The following ZNF385D variants were observed in gnomAD, a reference collection of about 807,000 sequenced individuals.
ZNF385D encodes the protein zinc finger protein 385D, also known as zinc finger protein 659.
In ZNF385D, 15 loss-of-function variants were observed where a neutral mutation model predicts 35.8. The ratio of observed to expected loss-of-function variants is 0.42; its 90% CI spans 0.28 to 0.64. The LOEUF (loss-of-function observed/expected upper bound fraction) is 0.64, where lower values mean the gene tolerates loss of function less well. Ranked by LOEUF, ZNF385D falls within the 30% of genes least tolerant of loss-of-function variation. ZNF385D has a pLI of 0.23. For missense variants in ZNF385D, 474 were observed against 494.6 expected (o/e 0.96, Z 0.39); for synonymous variants, 212 against 186.8 (o/e 1.13, Z -1.10).
intron 3 of ZNF385D, among the ~76,000 whole-genome samples, chr3:22,025,840 G>A (rs569754341): frequency 2.0e-5 from 3 of 152,258 alleles, no homozygotes; most frequent in Non-Finnish European, 2.9e-5. Context: ...CTGCATCTTC[G>A]AAGAGCCCTG....
At chr3:21,949,554 C>CTTTTTTTTTTTTTTT (rs372298558) in intron 3 of ZNF385D, among the ~76,000 whole-genome samples, 3 of 112,894 alleles carry the variant, frequency 2.7e-5, no homozygotes, top group African/African-American at 6.7e-5. Flanking sequence ...TTCTTTCTTT[C>CTTTTTTTTTTTTTTT]TTTTTTTTTT....
intron 2 of ZNF385D, among the ~76,000 whole-genome samples, chr3:21,574,388 T>C (rs2063431704): frequency 6.6e-6 from 1 of 152,028 alleles, no homozygotes; most frequent in Non-Finnish European, 1.5e-5. Flanking sequence ...AGAAAATAAT[T>C]GGGGTAAGAC....
intron 2 of ZNF385D, among the ~76,000 whole-genome samples, chr3:21,593,670 G>C (rs1453532075): frequency 1.3e-5 from 2 of 151,628 alleles, no homozygotes; most frequent in Non-Finnish European, 2.9e-5. Flanking sequence ...ACATGAAAAG[G>C]GTTTATTTTC....
At chr3:21,432,029 G>A (rs904630818) in intron 5 of ZNF385D, among the ~76,000 whole-genome samples, 1 of 152,114 alleles carries the variant, frequency 6.6e-6, no homozygotes, top group Non-Finnish European at 1.5e-5. Flanking sequence ...AATACAGATT[G>A]ATGAACAAAT....
intron 2 of ZNF385D, among the ~76,000 whole-genome samples, chr3:21,582,834 G>C (rs1056080552): frequency 1.3e-5 from 2 of 151,928 alleles, no homozygotes; most frequent in African/African-American, 4.8e-5. Flanking sequence ...CTGGAGTGCA[G>C]TGGCGCCATC....
intron 1 of ZNF385D, among the ~76,000 whole-genome samples, chr3:21,728,133 C>T (rs965272595): frequency 2.0e-5 from 3 of 151,848 alleles, no homozygotes; most frequent in South Asian, 2.1e-4. Flanking sequence ...CGCGGCCTGT[C>T]GGGTGGTGGA....
intron 1 of ZNF385D, among the ~76,000 whole-genome samples, chr3:21,736,591 G>C (rs1289730806): frequency 6.6e-6 from 1 of 152,132 alleles, no homozygotes; most frequent in Non-Finnish European, 1.5e-5. Flanking sequence ...CGTTCTCCTT[G>C]TTGCATTTAT....
intron 3 of ZNF385D, among the ~76,000 whole-genome samples, chr3:22,107,700 C>T (rs917901389): frequency 6.6e-6 from 1 of 151,794 alleles, no homozygotes; most frequent in Non-Finnish European, 1.5e-5. Context: ...TGATATATTT[C>T]CTTCTAGTCT....
intron 3 of ZNF385D, 78 bp from the exon 4 acceptor site, chr3:21,511,101 A>G: frequency 6.5e-7 from 1 of 1,549,582 alleles, no homozygotes; most frequent in Non-Finnish European, 8.8e-7. Context: ...GCAAATACAG[A>G]CTCCCTTTCA....
intron 3 of ZNF385D, among the ~76,000 whole-genome samples, chr3:21,989,554 A>G (rs1695029396): frequency 6.6e-6 from 1 of 152,202 alleles, no homozygotes; most frequent in Non-Finnish European, 1.5e-5. Flanking sequence ...AAATATTTGA[A>G]TAAATGATGA....
chr3:21,568,493 T>C (rs545836997), intron 2 of ZNF385D, among the ~76,000 whole-genome samples: 84 of 152,308 alleles, frequency 5.5e-4, no homozygotes, highest in African/African-American at 2.0e-3. Context: ...TCTTATTTTG[T>C]GTATGCACAT....
chr3:21,825,290 A>G (rs1468683474), intron 3 of ZNF385D, among the ~76,000 whole-genome samples: 4 of 152,200 alleles, frequency 2.6e-5, no homozygotes, highest in African/African-American at 4.8e-5. Context: ...TAACTCATGT[A>G]TCACTTGTTT....
chr3:21,953,302 A>G (rs1702148115), intron 3 of ZNF385D, among the ~76,000 whole-genome samples: 2 of 151,796 alleles, frequency 1.3e-5, no homozygotes, highest in South Asian at 2.1e-4. Flanking sequence ...CAAGCTCAAT[A>G]GGTAATTATT....
chr3:22,184,200 A>G (rs1210292932), intron 2 of ZNF385D, among the ~76,000 whole-genome samples: 1 of 152,176 alleles, frequency 6.6e-6, no homozygotes, highest in African/African-American at 2.4e-5. Flanking sequence ...ATTTGTAAGA[A>G]GGAGGTGAAC....
chr3:21,443,621 C>T (rs984195128), intron 4 of ZNF385D, among the ~76,000 whole-genome samples: 2 of 152,122 alleles, frequency 1.3e-5, no homozygotes, highest in Non-Finnish European at 2.9e-5. Context: ...GCACTTCAAA[C>T]TGATTTCACT....
At chr3:22,155,408 A>G (rs1036776121) in intron 3 of ZNF385D, among the ~76,000 whole-genome samples, 2 of 152,012 alleles carry the variant, frequency 1.3e-5, no homozygotes, top group African/African-American at 4.8e-5. Flanking sequence ...AACTAAAGAG[A>G]TTTCTTAAGG....
intron 2 of ZNF385D, among the ~76,000 whole-genome samples, chr3:21,566,042 A>ACAACT (rs1166617675): frequency 4.6e-5 from 7 of 152,192 alleles, no homozygotes. Flanking sequence ...CTTTGTATTC[A>ACAACT]CAACTCCTAT....
At position 21,682,659 on chromosome 3, in the gene ZNF385D, T is replaced by G. The variant is rs2066954149; in HGVS notation, c.23-17631A>C. On this transcript the variant is annotated intron_variant, in intron 1 of 7. Transcript: ENST00000281523. The stretch of plus-strand genomic sequence containing the variant: ...GATTCACATGGAAGCTGTACAAAAT[T>G]AGAGCAAGTTAGAACTGGATGAAAC... Among the ~76,000 whole-genome samples the G allele has an allele frequency of 1.3e-5, 2 of 150,046 alleles. 1 individual carries two copies. The highest frequency in any genetic ancestry group is 4.9e-5 in the African/African-American group (2 of 40,730).
chr3:21,619,776 C>T (rs749272779), intron 2 of ZNF385D, among the ~76,000 whole-genome samples: 1 of 152,030 alleles, frequency 6.6e-6, no homozygotes, highest in African/African-American at 2.4e-5. Flanking sequence ...TAAAGTGATT[C>T]GAGGAACTGC....
Sources: allele counts gnomAD v4.1 joint callset (sites outside exome capture counted in the v4.1 genomes callset), GRCh38; gene constraint gnomAD v4.1.1; transcripts MANE v1.5; gene names NCBI Gene and HGNC (gene_info 2026-07-23, HGNC 2026-07-21).